GRB10: variants seen among roughly 807,000 people sequenced by gnomAD.
GRB10 encodes the protein growth factor receptor-bound protein 10.
In GRB10, 20 loss-of-function variants were observed where a neutral mutation model predicts 80.9. The ratio of observed to expected loss-of-function variants is 0.25; its 90% CI spans 0.17 to 0.36. The LOEUF is 0.36. Among genes scored for constraint, GRB10 ranks in the 10% least tolerant of loss-of-function variants. The pLI is 1.00. For synonymous variants in GRB10, 291 were observed against 291.5 expected, an observed-to-expected ratio of 1.00 and a Z score of 0.02; for missense variants, 548 against 747.7, an observed-to-expected ratio of 0.73 and a Z score of 3.12.
intron 3 of GRB10, among the ~76,000 whole-genome samples, chr7:50,746,530 G>A (rs938865828): frequency 2.0e-5 from 3 of 152,124 alleles, no homozygotes. Flanking sequence ...CCAGACCCAG[G>A]AACTGTGTGG....
rs2045927746 is a variant in GRB10, at chr7:50,592,302, C to T, written c.*650G>A. 6.4e-6 allele frequency: 1 copy of T among 156,270 alleles called. No homozygotes were observed. The highest frequency in any genetic ancestry group is 1.4e-5 in the Non-Finnish European group (1 of 70,652). 9.7% of individuals were successfully genotyped at this position (156,270 alleles called of 1,614,324 possible). A position where few individuals can be genotyped will look rare whatever the true frequency, so the allele number is the denominator to read the frequency against. Reference sequence around the variant, plus strand: ...GTCCACAAAATATGCCAAATGCCTACCACAGTGACACCTTTTATTTTAACA... The same window carrying T: ...GTCCACAAAATATGCCAAATGCCTATCACAGTGACACCTTTTATTTTAACA... On this transcript the variant is annotated 3_prime_UTR_variant, in exon 19 of 19. Transcript: ENST00000401949.
chr7:50,775,950 G>A (rs1177658013), intron 2 of GRB10, among the ~76,000 whole-genome samples: 2 of 152,170 alleles, frequency 1.3e-5, no homozygotes, highest in Non-Finnish European at 2.9e-5. Context: ...CTGAGGTCCT[G>A]CAGACGCCCA....
chr7:50,742,112 T>C (rs192370392), intron 3 of GRB10, among the ~76,000 whole-genome samples: 8 of 151,260 alleles, frequency 5.3e-5, no homozygotes, highest in African/African-American at 1.7e-4. Context: ...CACCTACCAA[T>C]ATAAAGAAAG....
intron 6 of GRB10, among the ~76,000 whole-genome samples, chr7:50,671,379 T>G (rs765656676): frequency 2.0e-5 from 3 of 152,210 alleles, no homozygotes; most frequent in Non-Finnish European, 4.4e-5. Flanking sequence ...AGAAACACAT[T>G]TTGTGACTGT....
At chr7:50,734,656 T>G (rs1239044853) in intron 3 of GRB10, among the ~76,000 whole-genome samples, 4 of 152,250 alleles carry the variant, frequency 2.6e-5, no homozygotes, top group Non-Finnish European at 5.9e-5. Context: ...TCACTTAATA[T>G]GCCAATTTTA....
chr7:50,755,064 A>G (rs1033862387), intron 3 of GRB10, among the ~76,000 whole-genome samples: 1 of 152,210 alleles, frequency 6.6e-6, no homozygotes, highest in East Asian at 1.9e-4. Flanking sequence ...TCAGACTTCC[A>G]GCCTCCAGAA....
intron 5 of GRB10, among the ~76,000 whole-genome samples, chr7:50,694,049 T>C (rs766379440): frequency 6.6e-6 from 1 of 152,154 alleles, no homozygotes; most frequent in African/African-American, 2.4e-5. Flanking sequence ...ACTTCGTCTG[T>C]GGTCAGAAAC....
At chr7:50,599,728 G>T (rs573531228) in intron 17 of GRB10, among the ~76,000 whole-genome samples, 1 of 152,184 alleles carries the variant, frequency 6.6e-6, no homozygotes, top group Non-Finnish European at 1.5e-5. Flanking sequence ...CTGGAAAGAC[G>T]GATGCCTCAC....
intron 5 of GRB10, among the ~76,000 whole-genome samples, chr7:50,683,862 C>T (rs1037967639): frequency 2.6e-5 from 4 of 152,072 alleles, no homozygotes; most frequent in Non-Finnish European, 2.9e-5. Context: ...TTGAATTGTT[C>T]CCAGGTTACC....
chr7:50,713,800 TCCA>T (rs1375437858), intron 4 of GRB10, among the ~76,000 whole-genome samples: 2 of 148,602 alleles, frequency 1.3e-5, no homozygotes, highest in East Asian at 4.1e-4. Context: ...CTCTACCACC[TCCA>T]CCATCACTTC....
At chr7:50,605,929 G>A (rs940249362) in intron 14 of GRB10, among the ~76,000 whole-genome samples, 4 of 152,302 alleles carry the variant, frequency 2.6e-5, no homozygotes, top group Middle Eastern at 3.4e-3. Flanking sequence ...CAAGAGGAAC[G>A]ATGACAATCT....
At chr7:50,755,416 GGGCACAC>G (rs1325626984) in intron 3 of GRB10, among the ~76,000 whole-genome samples, 6 of 152,112 alleles carry the variant, frequency 3.9e-5, no homozygotes, top group Non-Finnish European at 7.4e-5. Context: ...ACTGAGGCAG[GGGCACAC>G]TAACACACAC....
intron 1 of GRB10, chr7:50,792,976 T>TCCGCCG (rs2078999207): frequency 7.1e-6 from 1 of 140,652 alleles, no homozygotes; most frequent in African/African-American, 2.6e-5. Context: ...TGCCTCCGCC[T>TCCGCCG]CCGCCGCGCG....
chr7:50,670,761 C>A (rs1353074959), intron 6 of GRB10, among the ~76,000 whole-genome samples: 2 of 152,190 alleles, frequency 1.3e-5, no homozygotes, highest in Non-Finnish European at 2.9e-5. Context: ...GCTGTGTGTT[C>A]TCATCTGAAT....
intron 5 of GRB10, among the ~76,000 whole-genome samples, chr7:50,686,256 C>T (rs1032768060): frequency 6.6e-6 from 1 of 152,110 alleles, no homozygotes; most frequent in African/African-American, 2.4e-5. Context: ...CCCATTCCAC[C>T]ATGTGAGGAC....
intron 4 of GRB10, among the ~76,000 whole-genome samples, chr7:50,713,269 C>T (rs946723720): frequency 6.6e-6 from 1 of 152,014 alleles, no homozygotes; most frequent in African/African-American, 2.4e-5. Context: ...CTGCCCCTGC[C>T]TCCTCCTCCT....
At chr7:50,642,430 TAC>T (rs1379473254) in intron 7 of GRB10, among the ~76,000 whole-genome samples, 2 of 151,972 alleles carry the variant, frequency 1.3e-5, no homozygotes, top group Admixed American at 6.6e-5. Flanking sequence ...CACAAACACA[TAC>T]ACACATGCAC....
chr7:50,637,771 A>C lies in GRB10; in HGVS notation c.505-10793T>G, dbSNP rs564294327. Among the ~76,000 whole-genome samples, 25 of 152,262 alleles carry C rather than the reference A, an allele frequency of 1.6e-4. No individual in the cohort carries two copies. In the South Asian group the frequency reaches 3.1e-3, roughly 19 times the overall value. On this transcript the variant is annotated intron_variant, in intron 7 of 18. Coordinates refer to ENST00000401949, the MANE Select transcript of GRB10 (RefSeq NM_001350814.2). ...ACAGCAATTCTAAGCAAAAAGAACA[A>C]AGCCAGAGGTATTATATTACCTGAC... is the stretch of plus-strand genomic sequence containing the variant.
intron 6 of GRB10, among the ~76,000 whole-genome samples, chr7:50,674,070 C>G (rs371863696): frequency 6.6e-6 from 1 of 152,200 alleles, no homozygotes; most frequent in African/African-American, 2.4e-5. Context: ...GCTAGCCTCC[C>G]GTCCCTACTC....
Sources: allele counts gnomAD v4.1 joint callset (sites outside exome capture counted in the v4.1 genomes callset), GRCh38; gene constraint gnomAD v4.1.1; transcripts MANE v1.5; gene names NCBI Gene and HGNC (gene_info 2026-07-23, HGNC 2026-07-21).